The following MAP3K20 variants were observed in gnomAD, a reference collection of about 807,000 sequenced individuals.
The protein encoded by MAP3K20 is mitogen-activated protein kinase kinase kinase 20.
Under a neutral mutation model 85.7 loss-of-function variants are expected in MAP3K20, and 40 were observed. The ratio of observed to expected loss-of-function variants is 0.47; its 90% CI spans 0.36 to 0.61. The LOEUF is 0.61. Among genes scored for constraint, MAP3K20 ranks in the 20% least tolerant of loss-of-function variants. The pLI, the probability that MAP3K20 is intolerant of heterozygous loss-of-function variation, is 0.00. For synonymous variants in MAP3K20, 325 were observed against 327.7 expected, an observed-to-expected ratio of 0.99 and a Z score of 0.09; for missense variants, 817 against 961.7, an observed-to-expected ratio of 0.85 and a Z score of 1.99.
At chr2:173,168,123 CTT>C (rs1032961701) in intron 2 of MAP3K20, among the ~76,000 whole-genome samples, 15 of 133,446 alleles carry the variant, frequency 1.1e-4, no homozygotes, top group Non-Finnish European at 2.1e-4. Flanking sequence ...AATAAATAAA[CTT>C]TATTATTATT....
At chr2:173,120,052 CTCTT>C (rs1023012713) in intron 2 of MAP3K20, among the ~76,000 whole-genome samples, 17 of 152,268 alleles carry the variant, frequency 1.1e-4, no homozygotes, top group South Asian at 4.1e-4. Flanking sequence ...GCCTTCTCTC[CTCTT>C]TCTTTCTTTT....
intron 2 of MAP3K20, among the ~76,000 whole-genome samples, chr2:173,154,504 A>G (rs1689398682): frequency 2.0e-5 from 3 of 152,144 alleles, no homozygotes; most frequent in Non-Finnish European, 4.4e-5. Flanking sequence ...TTCATGGTCT[A>G]GTTGACACTG....
At chr2:173,222,161 G>A (rs988503864) in intron 11 of MAP3K20, 2 of 957,040 alleles carry the variant, frequency 2.1e-6, no homozygotes, top group Non-Finnish European at 2.5e-6. Flanking sequence ...AGCCATGATG[G>A]CACCACTGCA....
At chr2:173,185,862 A>G (rs888066764) in intron 4 of MAP3K20, among the ~76,000 whole-genome samples, 2 of 152,228 alleles carry the variant, frequency 1.3e-5, no homozygotes, top group Admixed American at 1.3e-4. Context: ...GTCACCACTC[A>G]TTCCAGTTCT....
chr2:173,207,565 G>A (rs1394242088), intron 9 of MAP3K20: 1 of 152,212 alleles, frequency 6.6e-6, no homozygotes, highest in Non-Finnish European at 1.5e-5. Context: ...GATAAAAGAT[G>A]TTGAACAGTT....
chr2:173,221,168 G>A (rs373913247), intron 11 of MAP3K20: 3 of 1,524,330 alleles, frequency 2.0e-6, no homozygotes, highest in South Asian at 2.6e-5. Context: ...GCCTCTTGCT[G>A]CAAGAATGTC....
intron 3 of MAP3K20, among the ~76,000 whole-genome samples, chr2:173,170,146 C>T (rs139219481): frequency 6.6e-6 from 1 of 152,170 alleles, no homozygotes; most frequent in East Asian, 1.9e-4. Flanking sequence ...AGCTGCAATA[C>T]CAATATTTCA....
At chr2:173,104,226 TAGTC>T (rs2106164058) in intron 2 of MAP3K20, among the ~76,000 whole-genome samples, 1 of 152,318 alleles carries the variant, frequency 6.6e-6, no homozygotes, top group Admixed American at 6.5e-5. Context: ...CACTAGTAAT[TAGTC>T]AGGTTGATAA....
chr2:173,203,135 C>T (rs1307377642), intron 8 of MAP3K20, among the ~76,000 whole-genome samples: 1 of 152,130 alleles, frequency 6.6e-6, no homozygotes, highest in Non-Finnish European at 1.5e-5. Context: ...ACCCACCAGT[C>T]TCTAAAACAA....
intron 14 of MAP3K20, among the ~76,000 whole-genome samples, chr2:173,232,980 G>A (rs1267553673): frequency 6.6e-6 from 1 of 152,196 alleles, no homozygotes; most frequent in African/African-American, 2.4e-5. Flanking sequence ...GCAAAAAGGT[G>A]CATACATGGT....
chr2:173,202,394 C>T (rs557523895), intron 8 of MAP3K20, among the ~76,000 whole-genome samples: 1 of 152,242 alleles, frequency 6.6e-6, no homozygotes, highest in African/African-American at 2.4e-5. Context: ...ATAGCCTCCC[C>T]CAAATCCAGC....
rs1373800661 is a variant in MAP3K20 at position 173,266,131 on chromosome 2, C to T, written c.1784C>T (p.Pro595Leu). ...TCTTTACAGCGTTCCCAGAGCAATC[C>T]TATTCTGGGGTCACCGTTCTTCTCA... ...NTSLQRSQSN[P>L]ILGSPFFSHF... is the part of the protein sequence containing the mutation. Residue 595 changes from proline to leucine, a missense_variant, in exon 20 of 20, where the codon CCT (proline) becomes CTT (leucine). Pro to Leu is a moderately conservative substitution (Grantham distance 98). Coordinates refer to ENST00000375213, the MANE Select transcript of MAP3K20 (RefSeq NM_016653.3). 1 of 1,613,332 alleles carries T rather than the reference C, an allele frequency of 6.2e-7. No homozygotes were observed. The highest frequency in any genetic ancestry group is 8.5e-7 in the Non-Finnish European group (1 of 1,179,718).
chr2:173,225,954 T>G (rs1314079592), intron 11 of MAP3K20: 1 of 984,698 alleles, frequency 1.0e-6, no homozygotes, highest in African/African-American at 1.8e-5. Flanking sequence ...TACAGTTCTA[T>G]AGGTTAATTT....
chr2:173,241,898 A>G (rs550423184), intron 16 of MAP3K20, among the ~76,000 whole-genome samples: 20 of 152,288 alleles, frequency 1.3e-4, no homozygotes, highest in African/African-American at 3.4e-4. Flanking sequence ...CTGTTGTTAG[A>G]AGGAGCTACA....
At chr2:173,224,832 A>G (rs954462739) in intron 11 of MAP3K20, 71 of 984,764 alleles carry the variant, frequency 7.2e-5, no homozygotes, top group Non-Finnish European at 8.2e-5. Flanking sequence ...TATTAATTTT[A>G]AAAGGAATAT....
chr2:173,263,246 G>A (rs1574170152), intron 18 of MAP3K20, among the ~76,000 whole-genome samples: 1 of 152,232 alleles, frequency 6.6e-6, no homozygotes, highest in South Asian at 2.1e-4. Flanking sequence ...CCTCCGTGCA[G>A]GTAATTCACC....
At chr2:173,176,819 A>G (rs75308678) in intron 3 of MAP3K20, among the ~76,000 whole-genome samples, 12,592 of 152,278 alleles carry the variant, frequency 0.083, 713 homozygotes, top group Non-Finnish European at 0.12. Context: ...CGTAGATTCA[A>G]AGATACAAAT....
chr2:173,096,920 T>C (rs913576962), intron 2 of MAP3K20, among the ~76,000 whole-genome samples: 1 of 152,172 alleles, frequency 6.6e-6, no homozygotes, highest in African/African-American at 2.4e-5. Context: ...TTTGATGAAT[T>C]CCAGATGAGC....
intron 14 of MAP3K20, among the ~76,000 whole-genome samples, chr2:173,233,488 T>A (rs1420084088): frequency 6.6e-6 from 1 of 152,186 alleles, no homozygotes; most frequent in African/African-American, 2.4e-5. Flanking sequence ...GAGTAAGAAT[T>A]GCTGGCATCT....
Sources: gnomAD v4.1 joint callset for allele counts (sites outside exome capture counted in the v4.1 genomes callset) on GRCh38, gnomAD v4.1.1 for gene constraint, MANE v1.5 for transcripts, NCBI Gene and HGNC (gene_info 2026-07-23, HGNC 2026-07-21) for gene names.